Variants in MED13L observed in about 807,000 individuals in gnomAD.
The protein encoded by MED13L is mediator of RNA polymerase II transcription subunit 13-like.
Under a neutral mutation model 220.9 loss-of-function variants are expected in MED13L, and 7 were observed. That is an observed-to-expected ratio of 0.03 (90% CI 0.02 to 0.06). MED13L has a LOEUF of 0.06. Ranked by LOEUF, MED13L falls within the 10% of genes least tolerant of loss-of-function variation. MED13L has a pLI of 1.00. For synonymous variants in MED13L, 1,011 were observed against 1,015.2 expected (o/e 1.00, Z 0.08); for missense variants, 1,965 against 2,760.5 (o/e 0.71, Z 6.46).
chr12:116,159,438 T>C (rs1357273274), intron 2 of MED13L, among the ~76,000 whole-genome samples: 1 of 152,174 alleles, frequency 6.6e-6, no homozygotes, highest in African/African-American at 2.4e-5. Flanking sequence ...GTCTAAATAA[T>C]ACCAGAATAC....
chr12:116,262,496 T>C (rs957892463), intron 1 of MED13L, among the ~76,000 whole-genome samples: 1 of 152,218 alleles, frequency 6.6e-6, no homozygotes, highest in African/African-American at 2.4e-5. Flanking sequence ...ATATCACACC[T>C]ACCATATGAG....
intron 2 of MED13L, among the ~76,000 whole-genome samples, chr12:116,125,637 C>G (rs567303867): frequency 6.6e-6 from 1 of 152,160 alleles, no homozygotes; most frequent in Non-Finnish European, 1.5e-5. Context: ...ACAATTTCTA[C>G]TGTCGGTGCC....
At chr12:116,207,491 G>C (rs1882413441) in intron 2 of MED13L, among the ~76,000 whole-genome samples, 1 of 152,126 alleles carries the variant, frequency 6.6e-6, no homozygotes, top group African/African-American at 2.4e-5. Context: ...ACCTAAAGAG[G>C]CATTTCTCAG....
At chr12:116,120,477 T>TCTCTCTCACA (rs1257256737) in intron 2 of MED13L, among the ~76,000 whole-genome samples, 1 of 79,428 alleles carries the variant, frequency 1.3e-5, no homozygotes, top group African/African-American at 5.1e-5. Flanking sequence ...TCTCTCTCTC[T>TCTCTCTCACA]CACACACACA....
At chr12:116,154,065 T>C (rs1878255542) in intron 2 of MED13L, among the ~76,000 whole-genome samples, 1 of 152,214 alleles carries the variant, frequency 6.6e-6, no homozygotes. Flanking sequence ...AACAACAGTT[T>C]ATACTTACTG....
At chr12:116,004,280 G>A (rs1404058949) in intron 13 of MED13L, among the ~76,000 whole-genome samples, 1 of 152,008 alleles carries the variant, frequency 6.6e-6, no homozygotes, top group African/African-American at 2.4e-5. Context: ...ACCAAACCCA[G>A]GCAGCACTTG....
chr12:116,023,646 T>C (rs1880196323), intron 4 of MED13L, among the ~76,000 whole-genome samples: 1 of 152,212 alleles, frequency 6.6e-6, no homozygotes, highest in African/African-American at 2.4e-5. Flanking sequence ...GTGACACATA[T>C]ATATTCTCCT....
At chr12:116,043,101 A>G (rs143193699) in intron 4 of MED13L, among the ~76,000 whole-genome samples, 2 of 152,290 alleles carry the variant, frequency 1.3e-5, no homozygotes, top group Admixed American at 1.3e-4. Flanking sequence ...GTGGAGATAC[A>G]TTCAGCTATC....
At chr12:116,052,449 C>G (rs897782712) in intron 4 of MED13L, among the ~76,000 whole-genome samples, 5 of 152,272 alleles carry the variant, frequency 3.3e-5, no homozygotes, top group Admixed American at 3.3e-4. Context: ...AAAGCATTAA[C>G]TAATGAGAAA....
At chr12:116,000,010 AT>A (rs899777584) in intron 14 of MED13L, among the ~76,000 whole-genome samples, 1 of 152,192 alleles carries the variant, frequency 6.6e-6, no homozygotes, top group African/African-American at 2.4e-5. Context: ...TCTACTTCAT[AT>A]TTTTTGTGCA....
At chr12:116,088,157 C>T (rs1871876143) in intron 4 of MED13L, among the ~76,000 whole-genome samples, 1 of 152,122 alleles carries the variant, frequency 6.6e-6, no homozygotes, top group Non-Finnish European at 1.5e-5. Flanking sequence ...CCACCTACCC[C>T]TCCACCCCCC....
At position 115,991,590 on chromosome 12, in the gene MED13L, T is replaced by C; in HGVS notation, c.3364A>G (p.Ile1122Val). ...CTGTCAAAGTTTCTGTCTTTAAAGA[T>C]ATTCATCACGGAATCGGAGAGAATC... Reference protein sequence around the residue: ...TLILSDSVMNIFKDRNFDSCC... With the variant: ...TLILSDSVMNVFKDRNFDSCC... The change falls in exon 17 of 31, where the codon ATC becomes GTC. Residue 1122 changes from isoleucine (I) to valine (V), a missense_variant. Physicochemically the swap from Ile to Val is conservative, Grantham distance 29. Around this residue, in one of 10 missense-constraint regions of MED13L, gnomAD observed 18 missense variants for 72.4 expected, o/e 0.25. Transcript: ENST00000281928. This position sits in a 1 kb window ranked among gnomAD's most constrained non-coding sequence, Gnocchi z 7.7. 1 of 1,614,176 alleles carries C rather than the reference T, an allele frequency of 6.2e-7. No individual in the cohort carries two copies. The highest frequency in any genetic ancestry group is 8.5e-7 in the Non-Finnish European group (1 of 1,180,022).
At chr12:116,208,958 G>A (rs1593167492) in intron 2 of MED13L, among the ~76,000 whole-genome samples, 4 of 151,860 alleles carry the variant, frequency 2.6e-5, no homozygotes, top group East Asian at 3.9e-4. Flanking sequence ...GTGACAGAGC[G>A]AGACCCTGTC....
intron 17 of MED13L, among the ~76,000 whole-genome samples, chr12:115,989,827 G>C (rs1198031679): frequency 1.3e-5 from 2 of 152,092 alleles, no homozygotes; most frequent in Admixed American, 1.3e-4. Flanking sequence ...AGGACACTAA[G>C]GCAAGCTATT....
intron 2 of MED13L, among the ~76,000 whole-genome samples, chr12:116,170,241 T>C (rs1444690844): frequency 1.3e-5 from 2 of 152,218 alleles, no homozygotes; most frequent in Admixed American, 1.3e-4. Flanking sequence ...CTTTAAGTAC[T>C]GAGAAGTTAT....
chr12:116,133,886 T>C (rs1365974509), intron 2 of MED13L, among the ~76,000 whole-genome samples: 1 of 152,112 alleles, frequency 6.6e-6, no homozygotes, highest in Non-Finnish European at 1.5e-5. Context: ...TGGCCAACTG[T>C]CTCAGCTGAC....
At chr12:116,228,990 T>G (rs1380976167) in intron 2 of MED13L, among the ~76,000 whole-genome samples, 1 of 152,168 alleles carries the variant, frequency 6.6e-6, no homozygotes, top group Non-Finnish European at 1.5e-5. Context: ...TTTCCCAGGC[T>G]GGTCTCAAAG....
At chr12:115,970,922 G>T in intron 26 of MED13L, 152 bp from the exon 27 acceptor site, 2 of 769,554 alleles carry the variant, frequency 2.6e-6, no homozygotes, top group Non-Finnish European at 4.3e-6. Context: ...TATCTTCAAA[G>T]AAACTGACTC....
intron 4 of MED13L, among the ~76,000 whole-genome samples, chr12:116,023,729 C>T (rs1210952489): frequency 6.6e-6 from 1 of 152,100 alleles, no homozygotes; most frequent in African/African-American, 2.4e-5. Flanking sequence ...AACACCCAGT[C>T]TTGGTATCTG....
Sources: allele counts gnomAD v4.1 joint callset (sites outside exome capture counted in the v4.1 genomes callset), GRCh38; gene constraint gnomAD v4.1.1; regional missense constraint gnomAD v4.1.1; non-coding constraint Gnocchi (gnomAD v3.1); transcripts MANE v1.5; gene names NCBI Gene and HGNC (gene_info 2026-07-23, HGNC 2026-07-21).